Variants in ATM observed in about 807,000 individuals in gnomAD.
The protein encoded by ATM is ATM serine/threonine kinase.
In ATM, 308 loss-of-function variants were observed where a neutral mutation model predicts 387.0. The ratio of observed to expected loss-of-function variants is 0.80; its 90% CI spans 0.73 to 0.87. The LOEUF (loss-of-function observed/expected upper bound fraction) is 0.87. Ranked by LOEUF, ATM falls within the 40% of genes least tolerant of loss-of-function variation. The probability of loss-of-function intolerance (pLI) is 0.00; values close to 1 mark genes in which losing one functional copy is unlikely to be tolerated. For missense variants in ATM, 3,312 were observed against 3,560.9 expected (o/e 0.93, Z 1.78); for synonymous variants, 1,156 against 1,187.3 (o/e 0.97, Z 0.54).
intron 36 of ATM, among the ~76,000 whole-genome samples, 169 bp from the exon 37 acceptor site, chr11:108,304,506 A>G (rs2083578007): frequency 6.6e-6 from 1 of 152,180 alleles, no homozygotes; most frequent in African/African-American, 2.4e-5. Flanking sequence ...ACACCACCTA[A>G]TACATGTTTT....
chr11:108,349,449 G>A (rs1379180326), intron 59 of ATM, among the ~76,000 whole-genome samples: 5 of 152,130 alleles, frequency 3.3e-5, no homozygotes, highest in Non-Finnish European at 5.9e-5. Context: ...TGGATCACGA[G>A]GTCAGGAGAT....
At chr11:108,359,047 A>G (rs1235789931) in intron 61 of ATM, among the ~76,000 whole-genome samples, 3 of 149,594 alleles carry the variant, frequency 2.0e-5, no homozygotes, top group Admixed American at 6.7e-5. Flanking sequence ...TATTCAGGAA[A>G]CCCATCTCAC....
Position 108,306,832 on chromosome 11 carries a change from T to A in ATM, c.5675-1065T>A, listed in dbSNP as rs186029578. Reference sequence around the variant, plus strand: ...CATCCCTTCCCCCAGCCTACTTTTTTAAATGTGTACCTTTTTGACAAATGG... The same window carrying A: ...CATCCCTTCCCCCAGCCTACTTTTTAAAATGTGTACCTTTTTGACAAATGG... On this transcript the variant is annotated intron_variant, in intron 37 of 62. Transcript: ENST00000675843. 1.8e-3 allele frequency among the ~76,000 whole-genome samples: 277 copies of A among 152,332 alleles called. 1 individual carries two copies. Among genetic ancestry groups the A allele is most frequent in the Non-Finnish European group, 3.2e-3 (215 of 68,028 alleles).
At chr11:108,289,517 A>C (rs1253986661) in intron 28 of ATM, 85 bp from the exon 29 acceptor site, 2 of 1,046,836 alleles carry the variant, frequency 1.9e-6, no homozygotes, top group East Asian at 5.3e-5. Context: ...AGGTATTCAA[A>C]TATTTGAAGA....
chr11:108,259,118 A>T (rs2080705093), intron 16 of ATM, 43 bp downstream of exon 16: 4 of 1,494,958 alleles, frequency 2.7e-6, no homozygotes, highest in Non-Finnish European at 3.7e-6. Context: ...TGATTCTAAT[A>T]GGCATAATTT....
At chr11:108,268,702 T>A in intron 18 of ATM, 93 bp downstream of exon 18, 2 of 1,362,312 alleles carry the variant, frequency 1.5e-6, no homozygotes, top group South Asian at 2.4e-5. Context: ...ATGGTGTCTT[T>A]GAAGAATTGA....
chr11:108,242,253 C>T (rs986517513), intron 5 of ATM, among the ~76,000 whole-genome samples: 2 of 152,086 alleles, frequency 1.3e-5, no homozygotes, highest in African/African-American at 2.4e-5. Flanking sequence ...TTTAAATGGG[C>T]CAGTTCCTCA....
chr11:108,256,379 G>T, intron 14 of ATM, 39 bp downstream of exon 14: 1 of 1,579,460 alleles, frequency 6.3e-7, no homozygotes, highest in South Asian at 1.1e-5. Context: ...GGATAAATTT[G>T]AATGAAATGT....
At chr11:108,286,173 T>C (rs2082478777) in intron 26 of ATM, among the ~76,000 whole-genome samples, 1 of 150,150 alleles carries the variant, frequency 6.7e-6, no homozygotes, top group South Asian at 2.1e-4. Context: ...CTCTACTGGG[T>C]GTGGTGGTGT....
chr11:108,313,980 A>T (rs1416072187), intron 40 of ATM, among the ~76,000 whole-genome samples: 2 of 152,152 alleles, frequency 1.3e-5, no homozygotes, highest in Non-Finnish European at 2.9e-5. Context: ...TAACCAAACT[A>T]CTTTATCCAT....
At chr11:108,347,179 A>C in intron 58 of ATM, 100 bp from the exon 59 acceptor site, 2 of 951,666 alleles carry the variant, frequency 2.1e-6, no homozygotes, top group East Asian at 4.9e-5. Flanking sequence ...TAAACTACTT[A>C]AAGATTATAC....
chr11:108,250,619 A>T (rs2135312281), intron 9 of ATM, 82 bp from the exon 10 acceptor site: 1 of 1,390,046 alleles, frequency 7.2e-7, no homozygotes, highest in East Asian at 2.3e-5. Context: ...GGATATTGTA[A>T]GAGTACCATG....
chr11:108,360,306 A>G (rs1202211773), intron 61 of ATM, among the ~76,000 whole-genome samples: 1 of 152,162 alleles, frequency 6.6e-6, no homozygotes, highest in African/African-American at 2.4e-5. Context: ...AATAATCAAT[A>G]GTTTACCAAA....
intron 20 of ATM, among the ~76,000 whole-genome samples, chr11:108,271,957 C>T (rs1193357589): frequency 6.6e-6 from 1 of 152,210 alleles, no homozygotes; most frequent in Non-Finnish European, 1.5e-5. Context: ...ACTGCAACCT[C>T]CGCCTAGTAG....
chr11:108,327,907 G>T (rs2085846059), intron 48 of ATM, 149 bp downstream of exon 48: 1 of 734,272 alleles, frequency 1.4e-6, no homozygotes, highest in African/African-American at 1.8e-5. Context: ...TAGTCTCTAG[G>T]GTGGAGTGAA....
chr11:108,321,427 A>G lies in ATM; in HGVS notation c.6572+7A>G. ...TTGGGGAGCTTTTCTCAAGGTATGT[A>G]ATTCGTATGACTTTGTTATCCTAAA... On this transcript the variant is annotated splice_region_variant and intron_variant, in intron 45 of 62. Transcript: ENST00000675843. 2 of 1,614,038 alleles carry G rather than the reference A, an allele frequency of 1.2e-6. No homozygotes were observed. The highest frequency in any genetic ancestry group is 2.2e-5 in the South Asian group (2 of 91,082).
intron 16 of ATM, among the ~76,000 whole-genome samples, chr11:108,264,458 A>G (rs548421832): frequency 6.6e-5 from 10 of 152,376 alleles, no homozygotes; most frequent in African/African-American, 2.2e-4. Context: ...CTCTGAATAA[A>G]TTAGGTATTG....
chr11:108,272,453 T>TA, intron 20 of ATM, 79 bp from the exon 21 acceptor site: 1 of 1,205,058 alleles, frequency 8.3e-7, no homozygotes, highest in Non-Finnish European at 1.2e-6. Context: ...GGAAGTAACT[T>TA]ACAATAACCT....
intron 24 of ATM, among the ~76,000 whole-genome samples, chr11:108,281,526 G>A (rs941928705): frequency 6.6e-6 from 1 of 152,178 alleles, no homozygotes; most frequent in African/African-American, 2.4e-5. Flanking sequence ...GCAGCACATT[G>A]GGATCCAGCA....
Sources: allele counts gnomAD v4.1 joint callset (sites outside exome capture counted in the v4.1 genomes callset), GRCh38; gene constraint gnomAD v4.1.1; transcripts MANE v1.5; gene names NCBI Gene and HGNC (gene_info 2026-07-23, HGNC 2026-07-21).